Variants in PATJ observed in about 807,000 individuals in gnomAD.
PATJ encodes PATJ crumbs cell polarity complex component.
PATJ carries 190 observed loss-of-function variants against 224.9 expected under a neutral mutation model. The observed-to-expected ratio is 0.84, with a 90% CI of 0.75 to 0.95. The LOEUF (loss-of-function observed/expected upper bound fraction) is 0.95. Among genes scored for constraint, PATJ ranks in the 40% least tolerant of loss-of-function variants. The pLI is 0.00. For missense variants in PATJ, 2,121 were observed against 2,270.3 expected (o/e 0.93, Z 1.34); for synonymous variants, 769 against 820.3 (o/e 0.94, Z 1.07).
chr1:61,982,775 T>G (rs1330676557), intron 27 of PATJ, among the ~76,000 whole-genome samples: 4 of 152,042 alleles, frequency 2.6e-5, no homozygotes, highest in Non-Finnish European at 5.9e-5. Flanking sequence ...TATGTGTGTG[T>G]GGTGTGTATT....
At chr1:62,131,965 CAGCCTCCCA>C (rs889377714) in intron 41 of PATJ, among the ~76,000 whole-genome samples, 3 of 151,828 alleles carry the variant, frequency 2.0e-5, no homozygotes, top group African/African-American at 7.3e-5. Flanking sequence ...TCTCCTGCCT[CAGCCTCCCA>C]AGTAGCTGGG....
intron 38 of PATJ, among the ~76,000 whole-genome samples, chr1:62,122,171 C>T (rs150061279): frequency 0.01 from 1,551 of 151,710 alleles, 7 homozygotes; most frequent in Middle Eastern, 0.017. Flanking sequence ...TTGAGAGCAG[C>T]CTGGCCAACA....
intron 21 of PATJ, among the ~76,000 whole-genome samples, chr1:61,883,239 C>T (rs571252787): frequency 6.6e-6 from 1 of 152,234 alleles, no homozygotes; most frequent in African/African-American, 2.4e-5. Flanking sequence ...GTTGTCCCCA[C>T]CATACTTCTC....
At chr1:61,908,546 TG>T (rs1293566689) in intron 25 of PATJ, 64 bp downstream of exon 25, 1 of 956,168 alleles carries the variant, frequency 1.0e-6, no homozygotes, top group African/African-American at 1.6e-5. Context: ...GACCAAGCTT[TG>T]GCCTCTAAGT....
chr1:61,913,323 C>T (rs777421161), intron 25 of PATJ, among the ~76,000 whole-genome samples: 27 of 152,258 alleles, frequency 1.8e-4, no homozygotes, highest in Admixed American at 4.6e-4. Context: ...TAGCCTCGAC[C>T]TCAGCCCCAC....
intron 16 of PATJ, 95 bp from the exon 17 acceptor site, chr1:61,833,557 TCA>T: frequency 8.2e-7 from 1 of 1,223,932 alleles, no homozygotes; most frequent in Non-Finnish European, 1.1e-6. Context: ...AAGAGAATTC[TCA>T]GTTTGAGAAG....
chr1:62,112,602 G>A (rs1454465381), intron 34 of PATJ, among the ~76,000 whole-genome samples: 1 of 152,202 alleles, frequency 6.6e-6, no homozygotes, highest in African/African-American at 2.4e-5. Context: ...AGCACACAGG[G>A]CTGGACCAGA....
chr1:61,922,309 G>A (rs1009396752), intron 26 of PATJ, among the ~76,000 whole-genome samples: 1 of 152,046 alleles, frequency 6.6e-6, no homozygotes, highest in Non-Finnish European at 1.5e-5. Flanking sequence ...CCTCCCAAAG[G>A]CTGGAATTAT....
intron 33 of PATJ, among the ~76,000 whole-genome samples, chr1:62,102,507 T>A (rs1298595347): frequency 6.6e-6 from 1 of 151,998 alleles, no homozygotes; most frequent in Non-Finnish European, 1.5e-5. Flanking sequence ...ATAATATAGG[T>A]GCACAGAAAT....
intron 31 of PATJ, among the ~76,000 whole-genome samples, chr1:62,060,942 T>A (rs1655322104): frequency 6.6e-6 from 1 of 152,178 alleles, no homozygotes; most frequent in Non-Finnish European, 1.5e-5. Flanking sequence ...TTTACCCACC[T>A]TGGCCTCCCA....
chr1:61,954,275 A>T (rs570260609), intron 27 of PATJ, among the ~76,000 whole-genome samples: 1 of 152,308 alleles, frequency 6.6e-6, no homozygotes, highest in African/African-American at 2.4e-5. Context: ...AGTCAATTTT[A>T]AAAGCATGTT....
rs774301436 is a variant in PATJ at position 61,914,599 on chromosome 1, G to A, written c.3505G>A (p.Val1169Ile). The A allele has an allele frequency of 6.5e-6, 10 of 1,545,780 alleles. No individual in the cohort carries two copies. The East Asian group carries it at 1.1e-4, about 17-fold the overall frequency. Residue 1169 changes from valine (V) to isoleucine (I), a missense_variant, in exon 26 of 44, where the codon GTA (valine) becomes ATA (isoleucine). Transcript: ENST00000642238. ...TTTGTCACCATAGGTCATTCCTAACGTACATAACAAGGCCAACAAAATCAC... is the reference window on the plus strand; with the variant it reads ...TTTGTCACCATAGGTCATTCCTAACATACATAACAAGGCCAACAAAATCAC... ...LSSTPRVIPN[V>I]HNKANKITGN...
chr1:61,839,560 A>C (rs559599885), intron 17 of PATJ, among the ~76,000 whole-genome samples: 1 of 152,160 alleles, frequency 6.6e-6, no homozygotes. Context: ...AACTGTATGG[A>C]TTTTACCTTC....
chr1:62,067,378 C>T (rs1424775241), intron 31 of PATJ, among the ~76,000 whole-genome samples: 1 of 152,066 alleles, frequency 6.6e-6, no homozygotes, highest in Non-Finnish European at 1.5e-5. Context: ...CCACCCACCT[C>T]AGCCTCCCAA....
intron 20 of PATJ, among the ~76,000 whole-genome samples, chr1:61,873,985 C>G (rs976476125): frequency 1.3e-5 from 2 of 152,024 alleles, no homozygotes; most frequent in Admixed American, 1.3e-4. Context: ...CTTAAAAATT[C>G]CACCCTCCTC....
chr1:61,816,229 G>C (rs1399748969), intron 14 of PATJ, among the ~76,000 whole-genome samples: 1 of 152,138 alleles, frequency 6.6e-6, no homozygotes, highest in African/African-American at 2.4e-5. Context: ...GGATGTTACT[G>C]TTCAGTTACC....
At chr1:62,131,146 G>A (rs551475825) in intron 41 of PATJ, among the ~76,000 whole-genome samples, 14 of 152,258 alleles carry the variant, frequency 9.2e-5, no homozygotes, top group Admixed American at 2.0e-4. Context: ...AACACTGTGC[G>A]GACTGGGCAT....
Position 61,762,998 on chromosome 1 carries a change from T to C in PATJ, c.23-15T>C. ...GGGACTTAACTATTACTCTACTTAT[T>C]CATCTTGACCCAAGATAAACTGCAG... On this transcript the variant is annotated splice_polypyrimidine_tract_variant and intron_variant, in intron 2 of 43. Transcript: ENST00000642238. 6.2e-7 allele frequency: 1 copy of C among 1,600,378 alleles called. No homozygotes were observed. Among genetic ancestry groups the C allele is most frequent in the Non-Finnish European group, 8.5e-7 (1 of 1,172,606 alleles).
intron 16 of PATJ, among the ~76,000 whole-genome samples, chr1:61,832,643 C>T (rs997223314): frequency 2.0e-5 from 3 of 152,116 alleles, no homozygotes; most frequent in African/African-American, 7.2e-5. Context: ...ATGAGCCAGG[C>T]ATTATATAGT....
Sources: allele counts gnomAD v4.1 joint callset (sites outside exome capture counted in the v4.1 genomes callset), GRCh38; gene constraint gnomAD v4.1.1; transcripts MANE v1.5; gene names NCBI Gene and HGNC (gene_info 2026-07-23, HGNC 2026-07-21).